The following BICC1 variants were observed in gnomAD, a reference collection of about 807,000 sequenced individuals.
BICC1 encodes the protein protein bicaudal C homolog 1.
In BICC1, 43 loss-of-function variants were observed where a neutral mutation model predicts 111.0. That is an observed-to-expected ratio of 0.39 (90% CI 0.30 to 0.50). The LOEUF is 0.50. Among genes scored for constraint, BICC1 ranks in the 20% least tolerant of loss-of-function variants. BICC1 has a pLI of 0.88. For missense variants in BICC1, 1,091 were observed against 1,203.2 expected (o/e 0.91, Z 1.38); for synonymous variants, 467 against 434.4 (o/e 1.07, Z -0.93).
chr10:58,740,615 T>G (rs1841629754), intron 3 of BICC1, among the ~76,000 whole-genome samples: 1 of 152,212 alleles, frequency 6.6e-6, no homozygotes, highest in South Asian at 2.1e-4. Flanking sequence ...AAAAACCTCT[T>G]TGGAAATTAA....
chr10:58,799,829 T>A (rs1268894136), intron 12 of BICC1, among the ~76,000 whole-genome samples: 2 of 152,172 alleles, frequency 1.3e-5, no homozygotes, highest in African/African-American at 4.8e-5. Flanking sequence ...CTTTGGCTAT[T>A]TGGGCTCTTG....
chr10:58,648,256 G>A (rs1838330066), intron 2 of BICC1, among the ~76,000 whole-genome samples: 1 of 152,146 alleles, frequency 6.6e-6, no homozygotes, highest in Non-Finnish European at 1.5e-5. Flanking sequence ...TGTAGATGCT[G>A]TTATATATAA....
At chr10:58,578,530 G>A (rs944308842) in intron 1 of BICC1, among the ~76,000 whole-genome samples, 11 of 152,150 alleles carry the variant, frequency 7.2e-5, no homozygotes, top group Non-Finnish European at 1.2e-4. Context: ...TGTTGAAAAT[G>A]TTCCTAAAAC....
intron 2 of BICC1, among the ~76,000 whole-genome samples, chr10:58,653,418 C>T (rs1386516496): frequency 6.6e-6 from 1 of 152,124 alleles, no homozygotes; most frequent in Non-Finnish European, 1.5e-5. Flanking sequence ...ATCACATTCA[C>T]ACCAAGACTG....
Position 58,663,655 on chromosome 10 carries a change from A to G in BICC1, c.238-38419A>G, listed in dbSNP as rs145929742. Among the ~76,000 whole-genome samples the G allele has an allele frequency of 5.7e-3, 861 of 152,284 alleles. 5 individuals are homozygous for G. Among genetic ancestry groups the G allele is most frequent in the South Asian group, 0.018 (87 of 4,814 alleles). On this transcript the variant is annotated intron_variant, in intron 2 of 20. Transcript: ENST00000373886. Reference sequence around the variant, plus strand: ...TGTGAACTGTGCATTCAAGGGATCTAGGTTATGCACTCCTTATGAGAATCT... The same window carrying G: ...TGTGAACTGTGCATTCAAGGGATCTGGGTTATGCACTCCTTATGAGAATCT...
intron 2 of BICC1, among the ~76,000 whole-genome samples, chr10:58,621,310 A>G (rs535557146): frequency 6.6e-6 from 1 of 152,158 alleles, no homozygotes. Flanking sequence ...AAATTTTAAA[A>G]TGTTCTACTG....
chr10:58,583,574 T>G (rs962699251), intron 1 of BICC1, among the ~76,000 whole-genome samples: 1 of 137,130 alleles, frequency 7.3e-6, no homozygotes, highest in African/African-American at 3.0e-5. Context: ...CTGAGTAGTA[T>G]TCTCTCTCTC....
chr10:58,678,469 G>T (rs1564548332), intron 2 of BICC1, among the ~76,000 whole-genome samples: 1 of 151,074 alleles, frequency 6.6e-6, no homozygotes, highest in Admixed American at 6.6e-5. Context: ...ATGACAAAGG[G>T]TGCAAAAAGA....
chr10:58,664,684 G>A (rs1838953587), intron 2 of BICC1, among the ~76,000 whole-genome samples: 1 of 151,514 alleles, frequency 6.6e-6, no homozygotes, highest in Non-Finnish European at 1.5e-5. Context: ...GTTGATGATA[G>A]GCTTGTGGGT....
At chr10:58,709,204 A>T (rs1237649269) in intron 3 of BICC1, among the ~76,000 whole-genome samples, 4 of 152,206 alleles carry the variant, frequency 2.6e-5, no homozygotes, top group Non-Finnish European at 4.4e-5. Flanking sequence ...ACCTTTCTCT[A>T]TACCACCGTC....
chr10:58,774,503 A>T (rs912679073), intron 3 of BICC1, among the ~76,000 whole-genome samples: 1 of 152,208 alleles, frequency 6.6e-6, no homozygotes, highest in African/African-American at 2.4e-5. Context: ...TGTGCATTAT[A>T]AAAGTATAGT....
At chr10:58,685,027 A>T (rs1371270634) in intron 2 of BICC1, among the ~76,000 whole-genome samples, 4 of 152,150 alleles carry the variant, frequency 2.6e-5, no homozygotes, top group African/African-American at 4.8e-5. Context: ...ATTTCCCTCT[A>T]CACACTGCTT....
chr10:58,549,843 GC>G (rs1365131575), intron 1 of BICC1, among the ~76,000 whole-genome samples: 3 of 151,438 alleles, frequency 2.0e-5, no homozygotes, highest in East Asian at 3.9e-4. Flanking sequence ...GCACCATTGT[GC>G]CCGGCTAATT....
intron 4 of BICC1, among the ~76,000 whole-genome samples, chr10:58,786,171 C>T (rs1421043437): frequency 6.6e-6 from 1 of 152,094 alleles, no homozygotes; most frequent in African/African-American, 2.4e-5. Flanking sequence ...CAGTAACAGT[C>T]TTCTAAATGA....
intron 3 of BICC1, among the ~76,000 whole-genome samples, chr10:58,757,230 A>G (rs1177321516): frequency 6.6e-6 from 1 of 152,236 alleles, no homozygotes; most frequent in Admixed American, 6.5e-5. Flanking sequence ...AACTACTTTT[A>G]TATAATGTTC....
chr10:58,696,048 A>G (rs1213772396), intron 2 of BICC1, among the ~76,000 whole-genome samples: 1 of 152,168 alleles, frequency 6.6e-6, no homozygotes, highest in Non-Finnish European at 1.5e-5. Context: ...AAAATTTGTA[A>G]TTCTAGCTTT....
chr10:58,730,683 TC>T (rs1242960314), intron 3 of BICC1, among the ~76,000 whole-genome samples: 1 of 152,068 alleles, frequency 6.6e-6, no homozygotes, highest in Non-Finnish European at 1.5e-5. Context: ...AGTCTTTCTT[TC>T]TGTGTCCCTG....
At chr10:58,711,766 T>C (rs1840581208) in intron 3 of BICC1, among the ~76,000 whole-genome samples, 1 of 151,790 alleles carries the variant, frequency 6.6e-6, no homozygotes, top group Non-Finnish European at 1.5e-5. Context: ...AGTTATCTTC[T>C]CAAGCCTAAA....
chr10:58,740,604 A>G (rs965616013), intron 3 of BICC1, among the ~76,000 whole-genome samples: 1 of 152,206 alleles, frequency 6.6e-6, no homozygotes, highest in Non-Finnish European at 1.5e-5. Flanking sequence ...GTGAAAAGAA[A>G]AAAAACCTCT....
Sources: gnomAD v4.1 joint callset for allele counts (sites outside exome capture counted in the v4.1 genomes callset) on GRCh38, gnomAD v4.1.1 for gene constraint, MANE v1.5 for transcripts, NCBI Gene and HGNC (gene_info 2026-07-23, HGNC 2026-07-21) for gene names.